The following URAD variants were observed in gnomAD, a reference collection of about 807,000 sequenced individuals.
URAD encodes ureidoimidazoline (2-oxo-4-hydroxy-4-carboxy-5-) decarboxylase.
URAD carries 4 observed loss-of-function variants against 4.6 expected under a neutral mutation model. The observed-to-expected ratio is 0.87, with a 90% confidence interval of 0.43 to 1.98. URAD has a LOEUF of 1.98. Among genes scored for constraint, URAD ranks in the 30% most tolerant of loss-of-function variants. URAD has a pLI of 0.03. For synonymous variants in URAD, 144 were observed against 118.2 expected, an observed-to-expected ratio of 1.22 and a Z score of -1.41; for missense variants, 300 against 255.3, an observed-to-expected ratio of 1.18 and a Z score of -1.19.
At chr13:27,980,021 C>T (rs1180624037) in intron 1 of URAD, among the ~76,000 whole-genome samples, 9 of 152,196 alleles carry the variant, frequency 5.9e-5, no homozygotes, top group Non-Finnish European at 1.3e-4. Context: ...AAGTTCAAAA[C>T]GAAAGTCATG....
rs553954976 is a variant in URAD, at chr13:27,978,304, G to A, written c.324C>T (p.Asn108=). The A allele has an allele frequency of 7.1e-7, 1 of 1,403,918 alleles. No individual in the cohort carries two copies. The highest frequency in any genetic ancestry group is 9.2e-7 in the Non-Finnish European group (1 of 1,087,096). The allele number at this position is 1,403,918 out of a possible 1,614,324, so 87.0% of individuals were successfully genotyped here. The change falls in exon 2 of 2, where the codon AAC becomes AAT. Residue 108 remains asparagine (N), a synonymous_variant. Transcript: ENST00000332715. ...ADERLRLAEL[N]AQYRARFGFP... ...AACCGAAGCGCGCGCGGTACTGCGCGTTGAGCTCGGCCAGCCGCAGCCGCT... is the reference window on the plus strand; with the variant it reads ...AACCGAAGCGCGCGCGGTACTGCGCATTGAGCTCGGCCAGCCGCAGCCGCT...
chr13:27,981,821 C>G (rs1025369412), intron 1 of URAD, among the ~76,000 whole-genome samples: 7 of 152,184 alleles, frequency 4.6e-5, no homozygotes, highest in African/African-American at 1.7e-4. Context: ...CACCACTTAC[C>G]CTTATCAATG....
Position 27,978,077 on chromosome 13 carries a change from G to A in URAD, c.*29C>T, listed in dbSNP as rs1869760771. ...CCGTGGCCCCCGCGCGTCCGGTTGTGCGTCCCGGGTCCCTGGCCCGCGCGG... is the reference window on the plus strand; with the variant it reads ...CCGTGGCCCCCGCGCGTCCGGTTGTACGTCCCGGGTCCCTGGCCCGCGCGG... On this transcript the variant is annotated 3_prime_UTR_variant, in exon 2 of 2. Transcript: ENST00000332715. 2 of 1,429,648 alleles carry A rather than the reference G, an allele frequency of 1.4e-6. No individual in the cohort carries two copies. The highest frequency in any genetic ancestry group is 1.8e-6 in the Non-Finnish European group (2 of 1,104,562). 88.6% of individuals were successfully genotyped at this position (1,429,648 alleles called of 1,614,324 possible). A position where few individuals can be genotyped will look rare whatever the true frequency, so the allele number is the denominator to read the frequency against.
chr13:27,981,008 TTCTCTCTCTCTCTCTCTCTCCTCTC>T (rs1488327980), intron 1 of URAD, among the ~76,000 whole-genome samples: 3 of 111,708 alleles, frequency 2.7e-5, no homozygotes, highest in African/African-American at 8.3e-5. Flanking sequence ...TTTCAGTCGC[TTCTCTCTCTCTCTCTCTCTCCTCTC>T]TCTCTCTCTC....
chr13:27,985,036 CAT>C lies in URAD; in HGVS notation c.175+3425_175+3426del, dbSNP rs1869985689. On this transcript the variant is annotated intron_variant, in intron 1 of 1. Transcript: ENST00000332715. ...GATTTTTTGACAAATAAAAATTATA[CAT>C]GTTTATGGTGTGCACCTTGATGCTT... 3.9e-5 allele frequency among the ~76,000 whole-genome samples: 6 copies of C among 152,178 alleles called. No homozygotes were observed. In the South Asian group the frequency reaches 6.2e-4, roughly 16 times the overall value.
intron 1 of URAD, among the ~76,000 whole-genome samples, chr13:27,983,607 C>T (rs1032267036): frequency 8.5e-5 from 13 of 152,250 alleles, no homozygotes; most frequent in African/African-American, 3.1e-4. Context: ...CTTAAATTAA[C>T]CTCCTAAGAA....
Position 27,978,071 on chromosome 13 carries a change from G to C in URAD, c.*35C>G, listed in dbSNP as rs571439486. 2,142 of 1,419,474 alleles carry C rather than the reference G, an allele frequency of 1.5e-3. 5 individuals are homozygous for C. Among genetic ancestry groups the C allele is most frequent in the Non-Finnish European group, 1.8e-3 (2,012 of 1,098,268 alleles). The allele number at this position is 1,419,474 out of a possible 1,614,324, so 87.9% of individuals were successfully genotyped here. On this transcript the variant is annotated 3_prime_UTR_variant, in exon 2 of 2. Coordinates refer to ENST00000332715, the MANE Select transcript of URAD (RefSeq NM_001105577.2). The stretch of plus-strand genomic sequence containing the variant: ...TCCGGGCCGTGGCCCCCGCGCGTCC[G>C]GTTGTGCGTCCCGGGTCCCTGGCCC...
chr13:27,987,153 T>C (rs1870054209), intron 1 of URAD, among the ~76,000 whole-genome samples: 1 of 152,226 alleles, frequency 6.6e-6, no homozygotes, highest in African/African-American at 2.4e-5. Context: ...GGCGGCATCG[T>C]CTGTTGGCTC....
At chr13:27,980,484 T>A (rs1025566609) in intron 1 of URAD, among the ~76,000 whole-genome samples, 1 of 152,154 alleles carries the variant, frequency 6.6e-6, no homozygotes, top group Non-Finnish European at 1.5e-5. Flanking sequence ...CCCAGGACGG[T>A]AACCTGCCCG....
intron 1 of URAD, among the ~76,000 whole-genome samples, chr13:27,982,472 C>CT (rs751144942): frequency 2.0e-5 from 3 of 152,152 alleles, no homozygotes; most frequent in African/African-American, 4.8e-5. Context: ...CTACTTTCAT[C>CT]TTGCTCTGCC....
chr13:27,978,510 G>T, intron 1 of URAD, 58 bp from the exon 2 acceptor site: 3 of 1,220,880 alleles, frequency 2.5e-6, no homozygotes, highest in Non-Finnish European at 3.1e-6. Context: ...CCCGCACCGC[G>T]CACTCGAGGG....
At chr13:27,987,186 G>C (rs1044708363) in intron 1 of URAD, among the ~76,000 whole-genome samples, 1 of 152,122 alleles carries the variant, frequency 6.6e-6, no homozygotes, top group Non-Finnish European at 1.5e-5. Flanking sequence ...GAGAGCAGGG[G>C]CTCTCCTTCC....
intron 1 of URAD, among the ~76,000 whole-genome samples, chr13:27,980,166 C>T (rs1869832914): frequency 6.6e-6 from 1 of 152,068 alleles, no homozygotes; most frequent in East Asian, 1.9e-4. Flanking sequence ...TGGGTTCAAG[C>T]GATCCTCCCG....
At chr13:27,982,226 C>G (rs1020488805) in intron 1 of URAD, among the ~76,000 whole-genome samples, 1 of 152,094 alleles carries the variant, frequency 6.6e-6, no homozygotes, top group Non-Finnish European at 1.5e-5. Flanking sequence ...GTCAGGAGTT[C>G]GAGACCAGCC....
chr13:27,981,008 T>TTCTCTC (rs900608486), intron 1 of URAD, among the ~76,000 whole-genome samples: 1 of 111,710 alleles, frequency 9.0e-6, no homozygotes, highest in African/African-American at 2.8e-5. Flanking sequence ...TTTCAGTCGC[T>TTCTCTC]TCTCTCTCTC....
At chr13:27,986,267 C>A (rs956441255) in intron 1 of URAD, among the ~76,000 whole-genome samples, 1 of 152,226 alleles carries the variant, frequency 6.6e-6, no homozygotes, top group Non-Finnish European at 1.5e-5. Context: ...TTCATGCATT[C>A]ATTCAGCAAA....
rs1157224917 is a variant in URAD at position 27,978,208 on chromosome 13, G to A, written c.420C>T (p.Leu140=). The A allele has an allele frequency of 6.1e-6, 9 of 1,485,296 alleles. No homozygotes were observed. The highest frequency in any genetic ancestry group is 4.4e-5 in the African/African-American group (3 of 68,606). 92.0% of individuals were successfully genotyped at this position (1,485,296 alleles called of 1,614,324 possible). A position where few individuals can be genotyped will look rare whatever the true frequency, so the allele number is the denominator to read the frequency against. ...TGCGCAGCTCCTGCGCGGACGGGCAGAGCAGCCGGCGCGCCAGCTCGCGCG... is the reference window on the plus strand; with the variant it reads ...TGCGCAGCTCCTGCGCGGACGGGCAAAGCAGCCGGCGCGCCAGCTCGCGCG... The part of the protein sequence containing the change: ...AVPRELARRL[L]CPSAQELRTA... The change falls in exon 2 of 2, where the codon CTC becomes CTT. Residue 140 remains leucine (L), a synonymous_variant. Transcript: ENST00000332715.
chr13:27,978,748 G>A (rs1272380148), intron 1 of URAD, among the ~76,000 whole-genome samples: 1 of 152,312 alleles, frequency 6.6e-6, no homozygotes, highest in East Asian at 1.9e-4. Flanking sequence ...TTTGTCTTTT[G>A]AGACCTTGGG....
chr13:27,979,995 C>A (rs1869827761), intron 1 of URAD, among the ~76,000 whole-genome samples: 1 of 152,150 alleles, frequency 6.6e-6, no homozygotes, highest in African/African-American at 2.4e-5. Flanking sequence ...CACGGCTGCC[C>A]CTGCAAGGTT....
Sources: allele counts gnomAD v4.1 joint callset (sites outside exome capture counted in the v4.1 genomes callset), GRCh38; gene constraint gnomAD v4.1.1; transcripts MANE v1.5; gene names NCBI Gene and HGNC (gene_info 2026-07-23, HGNC 2026-07-21).